The following MYO1F variants were observed in gnomAD, a reference collection of about 807,000 sequenced individuals.
MYO1F encodes the protein unconventional myosin-If.
In MYO1F, 60 loss-of-function variants were observed where a neutral mutation model predicts 146.6. That is an observed-to-expected ratio of 0.41 (90% CI 0.33 to 0.51). The LOEUF (loss-of-function observed/expected upper bound fraction) is 0.51, where lower values mean the gene tolerates loss of function less well. Ranked by LOEUF, MYO1F falls within the 20% of genes least tolerant of loss-of-function variation. MYO1F has a pLI of 0.25. For missense variants in MYO1F, 1,274 were observed against 1,534.3 expected, an observed-to-expected ratio of 0.83 and a Z score of 2.83; for synonymous variants, 602 against 602.1, an observed-to-expected ratio of 1.00 and a Z score of 0.00.
At chr19:8,523,600 T>G (rs187471712) in intron 25 of MYO1F, among the ~76,000 whole-genome samples, 1 of 151,732 alleles carries the variant, frequency 6.6e-6, no homozygotes, top group Non-Finnish European at 1.5e-5. Context: ...ATCCTCCCAC[T>G]TCGGCCTCCC....
In MYO1F at chr19:8,555,480, C is replaced by T. The variant is rs55711162; in HGVS notation, c.141+179G>A. On this transcript the variant is annotated intron_variant, in intron 2 of 27. Coordinates refer to ENST00000644032, the MANE Select transcript of MYO1F (RefSeq NM_012335.4). ...CTGAGCTTCCCCAGGACAGAGGGAG[C>T]AGTGGCAGCCACAGCTGCCCCCAAC... The T allele has an allele frequency of 2.8e-3, 1,999 of 716,042 alleles. 6 individuals are homozygous for T. The highest frequency in any genetic ancestry group is 3.9e-3 in the Non-Finnish European group (1,663 of 427,248). The allele number at this position is 716,042 out of a possible 1,614,324, so 44.4% of individuals were successfully genotyped here.
At chr19:8,571,422 T>TCTC (rs200885736) in intron 1 of MYO1F, among the ~76,000 whole-genome samples, 2 of 136,624 alleles carry the variant, frequency 1.5e-5, no homozygotes, top group African/African-American at 5.9e-5. Flanking sequence ...TCTCTCTCTC[T>TCTC]TTTTTTTTTT....
At chr19:8,529,807 C>T (rs1003681625) in intron 21 of MYO1F, 1 of 398,036 alleles carries the variant, frequency 2.5e-6, no homozygotes, top group Non-Finnish European at 4.8e-6. Flanking sequence ...GAGTGTATAC[C>T]TGTGGGCAGG....
chr19:8,546,893 G>A (rs1022728787), intron 12 of MYO1F, among the ~76,000 whole-genome samples: 4 of 151,960 alleles, frequency 2.6e-5, no homozygotes, highest in Non-Finnish European at 5.9e-5. Context: ...TGGCCAGGCT[G>A]GTCTCAAACT....
At chr19:8,532,901 A>ATACACACACACACACACAC (rs1555720422) in intron 19 of MYO1F, among the ~76,000 whole-genome samples, 3 of 47,826 alleles carry the variant, frequency 6.3e-5, no homozygotes, top group African/African-American at 3.2e-4. Context: ...AAAAAAAAAA[A>ATACACACACACACACACAC]ATACACACAC....
intron 24 of MYO1F, 147 bp from the exon 25 acceptor site, chr19:8,525,709 T>G: frequency 1.3e-6 from 1 of 753,060 alleles, no homozygotes; most frequent in South Asian, 1.5e-5. Flanking sequence ...TTACACTGGC[T>G]CCGCCCACTA....
rs367691596 is a variant in MYO1F, at chr19:8,530,456, C to T, written c.2158+3G>A. The T allele has an allele frequency of 6.1e-5, 99 of 1,613,808 alleles. No individual in the cohort carries two copies. The African/African-American group carries it at 9.7e-4, about 16-fold the overall frequency. ...CCCGCGCCGTTTACCCGAAGCCTCT[C>T]ACCTTCCTCCCGCATCTCCTCGTAC... On this transcript the variant is annotated splice_donor_region_variant and intron_variant, in intron 20 of 27. Coordinates refer to ENST00000644032, the MANE Select transcript of MYO1F (RefSeq NM_012335.4). This position sits in a 1 kb window ranked among gnomAD's most constrained non-coding sequence, Gnocchi z 5.8.
At chr19:8,574,646 C>A (rs868981131) in intron 1 of MYO1F, among the ~76,000 whole-genome samples, 1 of 41,884 alleles carries the variant, frequency 2.4e-5, no homozygotes, top group Non-Finnish European at 5.1e-5. Flanking sequence ...TCTTTCTTTC[C>A]TTTCTTTCTC....
chr19:8,522,940 C>T, intron 25 of MYO1F, 111 bp from the exon 26 acceptor site: 4 of 966,828 alleles, frequency 4.1e-6, no homozygotes, highest in Middle Eastern at 3.1e-4. Flanking sequence ...CACTCTCAAC[C>T]CAGTGTGGTA....
Position 8,544,285 on chromosome 19 carries a change from C to T in MYO1F, c.1524+12G>A. The T allele has an allele frequency of 6.2e-7, 1 of 1,611,924 alleles. No homozygotes were observed. On this transcript the variant is annotated intron_variant, in intron 14 of 27. Coordinates refer to ENST00000644032, the MANE Select transcript of MYO1F (RefSeq NM_012335.4). Reference sequence around the variant, plus strand: ...GAGGAGGCACAGGGTAGGGTAGGGGCAGGGGGCGCACCTTGCCAGCGTAGT... The same window carrying T: ...GAGGAGGCACAGGGTAGGGTAGGGGTAGGGGGCGCACCTTGCCAGCGTAGT...
intron 19 of MYO1F, among the ~76,000 whole-genome samples, chr19:8,532,903 T>TATATATATAC (rs1972545379): frequency 2.7e-5 from 3 of 113,164 alleles, no homozygotes; most frequent in Non-Finnish European, 3.6e-5. Context: ...AAAAAAAAAA[T>TATATATATAC]ACACACACAC....
At chr19:8,547,644 C>G (rs1354852159) in intron 12 of MYO1F, among the ~76,000 whole-genome samples, 1 of 151,684 alleles carries the variant, frequency 6.6e-6, no homozygotes, top group Non-Finnish European at 1.5e-5. Flanking sequence ...TCCTCAGTCT[C>G]CTCTTGGAGC....
chr19:8,568,435 A>AAACAAC (rs2042048066), intron 1 of MYO1F, among the ~76,000 whole-genome samples: 2 of 151,216 alleles, frequency 1.3e-5, no homozygotes, highest in African/African-American at 4.9e-5. Context: ...AAAAAAAAAA[A>AAACAAC]AAAAAAAAAA....
In MYO1F at chr19:8,530,720, T is replaced by G. The variant is rs1351929647; in HGVS notation, c.2044-147A>C. ...TAATTTTTTTAAGAGGCGGGGTCTTTCTAGTGACACTCGTTCATAAAGAAA... is the reference window on the plus strand; with the variant it reads ...TAATTTTTTTAAGAGGCGGGGTCTTGCTAGTGACACTCGTTCATAAAGAAA... On this transcript the variant is annotated intron_variant, in intron 19 of 27. Coordinates refer to ENST00000644032, the MANE Select transcript of MYO1F (RefSeq NM_012335.4). This position sits in a 1 kb window ranked among gnomAD's most constrained non-coding sequence, Gnocchi z 5.8. 1 of 677,756 alleles carries G rather than the reference T, an allele frequency of 1.5e-6. No individual in the cohort carries two copies. The highest frequency in any genetic ancestry group is 1.8e-5 in the African/African-American group (1 of 55,946). The allele number at this position is 677,756 out of a possible 1,614,324, so 42.0% of individuals were successfully genotyped here. A position where few individuals can be genotyped will look rare whatever the true frequency, so the allele number is the denominator to read the frequency against.
chr19:8,547,486 C>T (rs1973414825), intron 12 of MYO1F, among the ~76,000 whole-genome samples: 1 of 151,456 alleles, frequency 6.6e-6, no homozygotes, highest in South Asian at 2.1e-4. Context: ...TGCCTGTAGT[C>T]CCAGCTGCTC....
rs766913280 is a variant in MYO1F at position 8,555,806 on chromosome 19, G to A, written c.4-10C>T. ...AGCGCTCCTTGCTGCCCTGGGGGGT[G>A]AGAGGGGGGTCGGGGTGAGCCCTTG... On this transcript the variant is annotated splice_polypyrimidine_tract_variant and intron_variant, in intron 1 of 27. Transcript: ENST00000644032. 6.2e-7 allele frequency: 1 copy of A among 1,609,942 alleles called. No individual in the cohort carries two copies. Among genetic ancestry groups the A allele is most frequent in the Non-Finnish European group, 8.5e-7 (1 of 1,178,492 alleles).
chr19:8,574,960 T>G (rs1054827003), intron 1 of MYO1F, among the ~76,000 whole-genome samples: 5 of 151,896 alleles, frequency 3.3e-5, no homozygotes, highest in Non-Finnish European at 7.4e-5. Flanking sequence ...TTTGCCATGT[T>G]GGCCAGGCTG....
rs1973316444 is a variant in MYO1F, at chr19:8,545,668, G to C, written c.1338C>G (p.Asp446Glu). The change falls in exon 13 of 28, where the codon GAC (aspartate) becomes GAG (glutamate). Residue 446 changes from aspartate to glutamate, a missense_variant. Transcript: ENST00000644032. Reference protein sequence around the residue: ...IQYFNNKVVCDLIENKLSPPG... With the variant: ...IQYFNNKVVCELIENKLSPPG... ...CCCTCACCAGCTTGTTTTCGATGAG[G>C]TCACAGACGACCTTGTTGTTGAAGT... The C allele has an allele frequency of 1.2e-6, 2 of 1,614,080 alleles. No homozygotes were observed. Among genetic ancestry groups the C allele is most frequent in the Middle Eastern group, 1.7e-4 (1 of 6,060 alleles).
chr19:8,523,082 A>G (rs1972126267), intron 25 of MYO1F, among the ~76,000 whole-genome samples: 1 of 150,154 alleles, frequency 6.7e-6, no homozygotes, highest in African/African-American at 2.5e-5. Context: ...CTCAGGCTGG[A>G]GTGCAGTGGC....
Sources: allele counts gnomAD v4.1 joint callset (sites outside exome capture counted in the v4.1 genomes callset), GRCh38; gene constraint gnomAD v4.1.1; non-coding constraint Gnocchi (gnomAD v3.1); transcripts MANE v1.5; gene names NCBI Gene and HGNC (gene_info 2026-07-23, HGNC 2026-07-21).